Variants in ADAMTSL1 observed in about 807,000 individuals in gnomAD.
ADAMTSL1 encodes ADAMTS-like protein 1.
A neutral mutation model predicts 201.8 loss-of-function variants in ADAMTSL1; 126 were observed. The observed-to-expected ratio is 0.62, with a 90% CI of 0.54 to 0.72. The LOEUF is 0.72. ADAMTSL1 is among the 30% of genes least tolerant of loss of function. The pLI is 0.00. For synonymous variants in ADAMTSL1, 1,121 were observed against 903.4 expected, an observed-to-expected ratio of 1.24 and a Z score of -4.32; for missense variants, 2,679 against 2,277.8, an observed-to-expected ratio of 1.18 and a Z score of -3.59.
chr9:18,124,263 A>G (rs1021954461), intron 1 of ADAMTSL1, among the ~76,000 whole-genome samples: 2 of 151,480 alleles, frequency 1.3e-5, no homozygotes, highest in African/African-American at 4.9e-5. Context: ...TTGTATTTTT[A>G]GTAGAGACGG....
At chr9:18,185,006 G>C (rs1293483768) in intron 2 of ADAMTSL1, among the ~76,000 whole-genome samples, 2 of 152,108 alleles carry the variant, frequency 1.3e-5, no homozygotes, top group Admixed American at 1.3e-4. Flanking sequence ...GAAATGATTG[G>C]CACCAGAAGT....
At chr9:17,954,066 T>G (rs1225982705) in intron 1 of ADAMTSL1, among the ~76,000 whole-genome samples, 1 of 151,180 alleles carries the variant, frequency 6.6e-6, no homozygotes, top group East Asian at 1.9e-4. Flanking sequence ...TGGGGCTGGC[T>G]GAGGCAATCT....
chr9:18,020,695 G>C (rs763168037), intron 1 of ADAMTSL1, among the ~76,000 whole-genome samples: 1 of 152,060 alleles, frequency 6.6e-6, no homozygotes, highest in Admixed American at 6.6e-5. Context: ...GATTTGGATG[G>C]AGACACAGAG....
chr9:18,026,353 C>T (rs551105658), intron 1 of ADAMTSL1, among the ~76,000 whole-genome samples: 26 of 151,812 alleles, frequency 1.7e-4, no homozygotes, highest in African/African-American at 4.8e-4. Context: ...TTGTCATAGA[C>T]GGCTCATATT....
chr9:17,942,226 G>A (rs1372112475), intron 1 of ADAMTSL1, among the ~76,000 whole-genome samples: 1 of 152,074 alleles, frequency 6.6e-6, no homozygotes, highest in Non-Finnish European at 1.5e-5. Flanking sequence ...AATGGATGGT[G>A]ATGTGATGAG....
chr9:18,171,751 G>T (rs1004990985), intron 2 of ADAMTSL1, among the ~76,000 whole-genome samples: 4 of 152,008 alleles, frequency 2.6e-5, no homozygotes, highest in African/African-American at 9.7e-5. Context: ...TGAAGTCTTT[G>T]CCCATGCCTA....
intron 23 of ADAMTSL1, among the ~76,000 whole-genome samples, chr9:18,864,298 A>G (rs1255913196): frequency 6.6e-6 from 1 of 152,162 alleles, no homozygotes; most frequent in African/African-American, 2.4e-5. Context: ...AAGAGGAGAA[A>G]AAACGTGCAC....
intron 2 of ADAMTSL1, among the ~76,000 whole-genome samples, chr9:18,296,555 G>A (rs1471634860): frequency 6.6e-6 from 1 of 151,912 alleles, no homozygotes; most frequent in Admixed American, 6.6e-5. Context: ...AATAAATTTG[G>A]TAAAACCTTA....
rs984263465 is a variant in ADAMTSL1 at position 18,548,973 on chromosome 9, A to G, written c.237+15681A>G. ...AAAATATAGGCCAAAATTCCAAAAT[A>G]TATAATACAAAAGAGCCCTTAAGAG... is the stretch of plus-strand genomic sequence containing the variant. On this transcript the variant is annotated intron_variant, in intron 3 of 28. Coordinates refer to ENST00000380548, the MANE Select transcript of ADAMTSL1 (RefSeq NM_001040272.6). Among the ~76,000 whole-genome samples the G allele has an allele frequency of 2.0e-5, 3 of 152,066 alleles. No individual in the cohort carries two copies. In the South Asian group the frequency reaches 6.2e-4, roughly 32 times the overall value.
chr9:18,375,144 G>A (rs1006612016), intron 2 of ADAMTSL1, among the ~76,000 whole-genome samples: 4 of 152,204 alleles, frequency 2.6e-5, no homozygotes, highest in African/African-American at 9.6e-5. Context: ...CCTGACCAGA[G>A]CTGAGACAAC....
chr9:18,565,349 C>T (rs1405957039), intron 3 of ADAMTSL1, among the ~76,000 whole-genome samples: 1 of 152,100 alleles, frequency 6.6e-6, no homozygotes, highest in Non-Finnish European at 1.5e-5. Context: ...TGAGCATGAA[C>T]TTGATCTATT....
At chr9:18,541,545 G>C (rs939879194) in intron 3 of ADAMTSL1, among the ~76,000 whole-genome samples, 5 of 151,916 alleles carry the variant, frequency 3.3e-5, no homozygotes, top group South Asian at 2.1e-4. Flanking sequence ...GGTGGGAGGA[G>C]TGTGGAGAGT....
intron 2 of ADAMTSL1, among the ~76,000 whole-genome samples, chr9:18,396,871 G>A (rs571147795): frequency 1.3e-5 from 2 of 152,148 alleles, no homozygotes; most frequent in Non-Finnish European, 2.9e-5. Context: ...GTCTCTTTTT[G>A]TTTAAAAACA....
chr9:18,646,363 T>G (rs1191652237), intron 7 of ADAMTSL1, among the ~76,000 whole-genome samples: 2 of 152,136 alleles, frequency 1.3e-5, no homozygotes, highest in African/African-American at 4.8e-5. Context: ...CCTCTTTTCC[T>G]AATTGAATAC....
chr9:18,834,957 A>G (rs1256917030), intron 23 of ADAMTSL1, among the ~76,000 whole-genome samples: 1 of 152,208 alleles, frequency 6.6e-6, no homozygotes, highest in African/African-American at 2.4e-5. Context: ...ATGCACACAT[A>G]GTTTCATTTC....
chr9:18,621,556 C>CACACA (rs1053642274), intron 4 of ADAMTSL1, among the ~76,000 whole-genome samples: 5 of 143,634 alleles, frequency 3.5e-5, no homozygotes, highest in African/African-American at 5.2e-5. Flanking sequence ...CCGTCCTCTT[C>CACACA]CACACACACA....
At chr9:18,410,416 C>T (rs1005839584) in intron 2 of ADAMTSL1, among the ~76,000 whole-genome samples, 11 of 152,124 alleles carry the variant, frequency 7.2e-5, no homozygotes, top group South Asian at 4.1e-4. Flanking sequence ...TGTTGTTCTC[C>T]GCCATGTGTC....
At chr9:18,035,295 C>T (rs1821146233) in intron 1 of ADAMTSL1, among the ~76,000 whole-genome samples, 1 of 152,182 alleles carries the variant, frequency 6.6e-6, no homozygotes, top group African/African-American at 2.4e-5. Flanking sequence ...CCTTTTTGCA[C>T]ATCCTGAATT....
chr9:18,092,463 C>G (rs1201354322), intron 1 of ADAMTSL1, among the ~76,000 whole-genome samples: 1 of 152,172 alleles, frequency 6.6e-6, no homozygotes, highest in Non-Finnish European at 1.5e-5. Flanking sequence ...GTTCCAAAGT[C>G]AAACATGAAT....
Sources: gnomAD v4.1 joint callset for allele counts (sites outside exome capture counted in the v4.1 genomes callset) on GRCh38, gnomAD v4.1.1 for gene constraint, MANE v1.5 for transcripts, NCBI Gene and HGNC (gene_info 2026-07-23, HGNC 2026-07-21) for gene names.